The following TDRD1 variants were observed in gnomAD, a reference collection of about 807,000 sequenced individuals.
The protein encoded by TDRD1 is tudor domain-containing protein 1.
Under a neutral mutation model 140.6 loss-of-function variants are expected in TDRD1, and 37 were observed. The observed-to-expected ratio is 0.26, with a 90% CI of 0.20 to 0.35. TDRD1 has a LOEUF of 0.35. Among genes scored for constraint, TDRD1 ranks in the 10% least tolerant of loss-of-function variants. TDRD1 has a pLI of 1.00. For synonymous variants in TDRD1, 506 were observed against 475.7 expected, an observed-to-expected ratio of 1.06 and a Z score of -0.83; for missense variants, 1,243 against 1,393.0, an observed-to-expected ratio of 0.89 and a Z score of 1.71.
At chr10:114,203,562 G>T in exon 8 of TDRD1, 1 of 1,603,232 alleles carries the variant, frequency 6.2e-7, no homozygotes, top group South Asian at 1.1e-5. Flanking sequence ...GTACACTGTT[G>T]ATCAGGTAAC....
At chr10:114,228,381 G>T in intron 25 of TDRD1, 1 of 1,208,666 alleles carries the variant, frequency 8.3e-7, no homozygotes, top group Non-Finnish European at 1.0e-6. Flanking sequence ...ACTGTTGTTT[G>T]GTTCTGTGAA....
intron 11 of TDRD1, among the ~76,000 whole-genome samples, chr10:114,207,657 A>G (rs1056669677): frequency 3.9e-5 from 6 of 152,172 alleles, no homozygotes; most frequent in African/African-American, 1.4e-4. Context: ...GTGAGGAAGA[A>G]TGAGGAAGAT....
chr10:114,202,111 T>C, intron 5 of TDRD1, 127 bp from the exon 6 acceptor site: 1 of 683,158 alleles, frequency 1.5e-6, no homozygotes, highest in Non-Finnish European at 2.4e-6. Flanking sequence ...ATTACCACTG[T>C]GATTCTGGAA....
chr10:114,199,096 G>T (rs2034559873), intron 3 of TDRD1, 77 bp from the exon 4 acceptor site: 1 of 1,476,080 alleles, frequency 6.8e-7, no homozygotes, highest in Non-Finnish European at 9.2e-7. Flanking sequence ...GATCTTATCT[G>T]AAGTAGTCCC....
At chr10:114,213,806 A>G (rs2035640058) in intron 15 of TDRD1, among the ~76,000 whole-genome samples, 171 bp from the exon 16 acceptor site, 1 of 152,186 alleles carries the variant, frequency 6.6e-6, no homozygotes, top group Non-Finnish European at 1.5e-5. Context: ...TAAATTTGAA[A>G]TTTACTTAGA....
upstream of TDRD1, among the ~76,000 whole-genome samples, chr10:114,176,303 A>C (rs1001083976): frequency 2.2e-4 from 34 of 152,024 alleles, 1 homozygote; most frequent in Non-Finnish European, 2.9e-4. This position sits in a 1 kb window ranked among gnomAD's most constrained non-coding sequence, Gnocchi z 4.2. Context: ...AAAAAAAAAA[A>C]CCCTGCAGTT....
At chr10:114,226,129 A>G (rs751561318) in exon 22 of TDRD1, 5 of 1,614,104 alleles carry the variant, frequency 3.1e-6, no homozygotes, top group Middle Eastern at 1.6e-4. Flanking sequence ...CTATGGAAAC[A>G]TTGAAACCCT....
chr10:114,190,817 G>T (rs1024003613), intron 2 of TDRD1, 144 bp from the exon 3 acceptor site: 2 of 742,392 alleles, frequency 2.7e-6, no homozygotes, highest in Non-Finnish European at 4.4e-6. Flanking sequence ...GGAAAAGTAG[G>T]ATGTTGCTTA....
At chr10:114,194,907 A>T (rs900268218) in intron 3 of TDRD1, among the ~76,000 whole-genome samples, 5 of 146,742 alleles carry the variant, frequency 3.4e-5, no homozygotes, top group African/African-American at 1.2e-4. Flanking sequence ...CTACAGGTGT[A>T]TGCCACCACA....
At chr10:114,204,519 A>G (rs758350607) in intron 9 of TDRD1, among the ~76,000 whole-genome samples, 37 of 152,226 alleles carry the variant, frequency 2.4e-4, no homozygotes, top group Non-Finnish European at 4.4e-4. Context: ...AAATTTCTCC[A>G]GCTTCAAGTA....
At chr10:114,177,834 C>CTTTTTTTTTTTTTT (rs34189756), upstream of TDRD1, among the ~76,000 whole-genome samples, 1 of 131,118 alleles carries the variant, frequency 7.6e-6, no homozygotes, top group Non-Finnish European at 1.6e-5. Context: ...CTTTCTTTTT[C>CTTTTTTTTTTTTTT]TTTTTTTTTT....
chr10:114,198,363 T>C lies in TDRD1; in HGVS notation c.385-810T>C, dbSNP rs559713240. ...GCCAGGTGGAAATCCGGGTTCCCCA[T>C]GTGGCCTCCGTAGGGAGGGATCTCA... On this transcript the variant is annotated intron_variant, in intron 3 of 25. Transcript: ENST00000251864. Among the ~76,000 whole-genome samples the C allele has an allele frequency of 3.3e-5, 5 of 152,298 alleles. No individual in the cohort carries two copies. The East Asian group carries it at 7.7e-4, about 24-fold the overall frequency.
At chr10:114,231,861 T>A in exon 26 of TDRD1, 1 of 222,780 alleles carries the variant, frequency 4.5e-6, no homozygotes, top group Non-Finnish European at 8.6e-6. Context: ...GGTGGGAGGA[T>A]CCCTTGAGGC....
At chr10:114,188,250 C>A in intron 2 of TDRD1, 94 bp downstream of exon 2, 2 of 1,086,598 alleles carry the variant, frequency 1.8e-6, no homozygotes, top group African/African-American at 1.6e-5. Context: ...GGGCTATTAG[C>A]AGAACAGGCA....
intron 10 of TDRD1, 103 bp downstream of exon 10, chr10:114,204,996 C>CACT: frequency 9.9e-7 from 1 of 1,009,532 alleles, no homozygotes; most frequent in Non-Finnish European, 1.4e-6. Flanking sequence ...AAACTGCCCT[C>CACT]TGGAGTCATT....
intron 25 of TDRD1, among the ~76,000 whole-genome samples, chr10:114,229,375 C>T (rs2036623149): frequency 1.3e-5 from 2 of 152,064 alleles, no homozygotes; most frequent in Non-Finnish European, 2.9e-5. Context: ...CGTTTCTTTG[C>T]GTTTTAAGAA....
rs528383971 is a variant in TDRD1, at chr10:114,212,744, G to T, written c.1832-602G>T. ...AGGGACCAGTACTTCTTCAGAGATT[G>T]TTTTATACTTTTGTTTATGGCTTTC... is the stretch of plus-strand genomic sequence containing the variant. On this transcript the variant is annotated intron_variant, in intron 14 of 25. Transcript: ENST00000251864. 9.9e-5 allele frequency among the ~76,000 whole-genome samples: 15 copies of T among 152,226 alleles called. No individual in the cohort carries two copies. In the East Asian group the frequency reaches 2.7e-3, roughly 27 times the overall value.
At chr10:114,229,970 A>G (rs1376120116) in intron 25 of TDRD1, among the ~76,000 whole-genome samples, 5 of 151,978 alleles carry the variant, frequency 3.3e-5, no homozygotes, top group Non-Finnish European at 5.9e-5. Flanking sequence ...AGCTGGGACT[A>G]TAGGTGCCCG....
At chr10:114,231,942 A>G (rs1473340260) in exon 26 of TDRD1, 1 of 71,864 alleles carries the variant, frequency 1.4e-5, no homozygotes, top group Admixed American at 1.4e-4. Flanking sequence ...ATTTTGTCTT[A>G]AAAAAAAAAA....
Sources: allele counts gnomAD v4.1 joint callset (sites outside exome capture counted in the v4.1 genomes callset), GRCh38; gene constraint gnomAD v4.1.1; non-coding constraint Gnocchi (gnomAD v3.1); transcripts MANE v1.5; gene names NCBI Gene and HGNC (gene_info 2026-07-23, HGNC 2026-07-21).